Variants in LRP3 observed in about 807,000 individuals in gnomAD.
LRP3 encodes LDL receptor related protein 3.
Under a neutral mutation model 58.5 loss-of-function variants are expected in LRP3, and 49 were observed. The ratio of observed to expected loss-of-function variants is 0.84; its 90% CI spans 0.67 to 1.06. LRP3 has a LOEUF of 1.06. LRP3 is among the 50% of genes least tolerant of loss of function. LRP3 has a pLI of 0.00. For synonymous variants in LRP3, 485 were observed against 492.2 expected, an observed-to-expected ratio of 0.99 and a Z score of 0.20; for missense variants, 1,019 against 1,134.2, an observed-to-expected ratio of 0.90 and a Z score of 1.46.
At chr19:33,198,852 C>T (rs558017124) in intron 2 of LRP3, among the ~76,000 whole-genome samples, 13 of 152,352 alleles carry the variant, frequency 8.5e-5, no homozygotes, top group Admixed American at 7.8e-4. Context: ...AGCTCCCCGT[C>T]GTCGGATTAC....
intron 2 of LRP3, among the ~76,000 whole-genome samples, chr19:33,199,133 C>T (rs963473853): frequency 2.0e-4 from 30 of 152,286 alleles, no homozygotes; most frequent in Middle Eastern, 3.4e-3. Flanking sequence ...CCTCCGAACC[C>T]CTCCCTCTTC....
Position 33,208,461 on chromosome 19 carries a change from C to G in LRP3, c.*886C>G. ...GTAGGGGCGGACTGAGCTGCTACCC[C>G]ATCCTCGACATCCCTTTAGGGCAGG... is the stretch of plus-strand genomic sequence containing the variant. On this transcript the variant is annotated 3_prime_UTR_variant, in exon 7 of 7. Transcript: ENST00000253193. The surrounding 1 kb of genome is among the most constrained non-coding windows in gnomAD (Gnocchi z 4.7). The G allele has an allele frequency of 3.9e-6, 1 of 256,894 alleles. No homozygotes were observed. The allele number at this position is 256,894 out of a possible 1,614,324, so 15.9% of individuals were successfully genotyped here. A position where few individuals can be genotyped will look rare whatever the true frequency, so the allele number is the denominator to read the frequency against.
At position 33,208,614 on chromosome 19, in the gene LRP3, G is replaced by T; in HGVS notation, c.*1039G>T. ...AACATGTGTGCACCCACCGAGGTAC[G>T]CCCCAGCCACTCCCATCTGTGCCCA... is the stretch of plus-strand genomic sequence containing the variant. On this transcript the variant is annotated 3_prime_UTR_variant, in exon 7 of 7. Coordinates refer to ENST00000253193, the MANE Select transcript of LRP3 (RefSeq NM_002333.4). This position sits in a 1 kb window ranked among gnomAD's most constrained non-coding sequence, Gnocchi z 4.7. The T allele has an allele frequency of 2.0e-6, 1 of 506,116 alleles. No individual in the cohort carries two copies. The highest frequency in any genetic ancestry group is 3.6e-6 in the Non-Finnish European group (1 of 280,840). 31.4% of individuals were successfully genotyped at this position (506,116 alleles called of 1,614,324 possible). A position where few individuals can be genotyped will look rare whatever the true frequency, so the allele number is the denominator to read the frequency against.
At chr19:33,197,042 G>T (rs752226475) in intron 2 of LRP3, among the ~76,000 whole-genome samples, 6 of 152,198 alleles carry the variant, frequency 3.9e-5, no homozygotes, top group African/African-American at 1.4e-4. Flanking sequence ...TCTTAGTGTG[G>T]TGCCTGGCAC....
At chr19:33,197,395 G>A (rs910420043) in intron 2 of LRP3, among the ~76,000 whole-genome samples, 4 of 152,194 alleles carry the variant, frequency 2.6e-5, no homozygotes, top group African/African-American at 9.7e-5. Context: ...GGAGGCTGAG[G>A]CAAGAGAATG....
At position 33,207,464 on chromosome 19, in the gene LRP3, C is replaced by T. The variant is rs1482097410; in HGVS notation, c.2202C>T (p.Ser734=). Residue 734 remains serine (S), a synonymous_variant, in exon 7 of 7, where the codon AGC becomes AGT. Coordinates refer to ENST00000253193, the MANE Select transcript of LRP3 (RefSeq NM_002333.4). Reference sequence around the variant, plus strand: ...CGCACCCCCAGGTCTCCACTGCCAGCAGCACCCTGGGCCCCCACTCGCCAG... The same window carrying T: ...CGCACCCCCAGGTCTCCACTGCCAGTAGCACCCTGGGCCCCCACTCGCCAG... ...QDPHPQVSTA[S]STLGPHSPEP... 5.0e-6 allele frequency: 8 copies of T among 1,599,236 alleles called. No individual in the cohort carries two copies. The Admixed American group carries it at 5.1e-5, about 10-fold the overall frequency.
intron 6 of LRP3, 99 bp downstream of exon 6, chr19:33,206,832 G>T: frequency 7.4e-7 from 1 of 1,354,456 alleles, no homozygotes. Flanking sequence ...CAAGGCCTGC[G>T]CAGGGTGACC....
intron 4 of LRP3, 150 bp from the exon 5 acceptor site, chr19:33,205,096 A>G: frequency 1.1e-6 from 1 of 890,088 alleles, no homozygotes; most frequent in Non-Finnish European, 1.7e-6. Context: ...CCCCAGGCTC[A>G]GGTCAGGGAC....
At chr19:33,206,474 C>T (rs17848212) in intron 5 of LRP3, 112 bp downstream of exon 5, 78,670 of 1,593,134 alleles carry the variant, frequency 0.049, 3,660 homozygotes, top group African/African-American at 0.24. Flanking sequence ...TGGAGGCTGC[C>T]CTGGTGCACA....
rs1480032725 is a variant in LRP3, at chr19:33,207,208, AC to A, written c.1952del (p.Pro651GlnfsTer58). ...FLQPAPGAAP[D>X]PPAPLMDTGS... ...CAGCCTGCTCCAGGGGCTGCCCCCG[AC>A]CCCCCAGCACCGCTCATGGACACAG... On this transcript the variant is annotated frameshift_variant, in exon 7 of 7. Coordinates refer to ENST00000253193, the MANE Select transcript of LRP3 (RefSeq NM_002333.4). LOFTEE classifies it low-confidence loss of function (END_TRUNC). 3.2e-6 allele frequency: 5 copies of A among 1,550,168 alleles called. No homozygotes were observed. The highest frequency in any genetic ancestry group is 2.6e-6 in the Non-Finnish European group (3 of 1,154,608).
chr19:33,198,083 C>T (rs1379442041), intron 2 of LRP3, among the ~76,000 whole-genome samples: 2 of 152,140 alleles, frequency 1.3e-5, no homozygotes, highest in Non-Finnish European at 2.9e-5. Flanking sequence ...ATGTCTGTGG[C>T]CATGGTAGAG....
chr19:33,200,546 C>A (rs113128700), intron 2 of LRP3, among the ~76,000 whole-genome samples: 6 of 152,326 alleles, frequency 3.9e-5, no homozygotes, highest in African/African-American at 1.4e-4. Context: ...TGGATTTCTT[C>A]ACCCTACACC....
In LRP3 at chr19:33,205,820, C is replaced by T. The variant is rs371976463; in HGVS notation, c.1050C>T (p.Arg350=). Residue 350 remains arginine (R), a synonymous_variant, in exon 5 of 7, where the codon CGC becomes CGT. Transcript: ENST00000253193. The stretch of plus-strand genomic sequence containing the variant: ...GCCTCACTGTGGCCTACCACGCGCG[C>T]GCCCGCAGCGCCGGCCACGGCTTCA... ...QGRLTVAYHA[R]ARSAGHGFNA... is the part of the protein sequence containing the mutation. The T allele has an allele frequency of 7.6e-5, 120 of 1,584,670 alleles. 1 individual carries two copies. The African/African-American group carries it at 9.3e-4, about 12-fold the overall frequency.
chr19:33,208,245 C>G lies in LRP3; in HGVS notation c.*670C>G, dbSNP rs1974451270. ...GGGGACAGAGAGGCCGAGGCACCAA[C>G]AGCAGTGGCCACGTCTGTTCCATCC... On this transcript the variant is annotated 3_prime_UTR_variant, in exon 7 of 7. Coordinates refer to ENST00000253193, the MANE Select transcript of LRP3 (RefSeq NM_002333.4). This position sits in a 1 kb window ranked among gnomAD's most constrained non-coding sequence, Gnocchi z 4.7. 6.2e-6 allele frequency: 1 copy of G among 161,982 alleles called. No homozygotes were observed. Among genetic ancestry groups the G allele is most frequent in the Admixed American group, 5.7e-5 (1 of 17,610 alleles). The allele number at this position is 161,982 out of a possible 1,614,324, so 10.0% of individuals were successfully genotyped here. A position where few individuals can be genotyped will look rare whatever the true frequency, so the allele number is the denominator to read the frequency against.
chr19:33,203,862 C>T (rs1974370377), intron 3 of LRP3: 1 of 152,250 alleles, frequency 6.6e-6, no homozygotes, highest in Admixed American at 6.6e-5. Context: ...CAGGCAAAGC[C>T]CGGGTGCTTG....
At chr19:33,200,150 G>C (rs940028286) in intron 2 of LRP3, among the ~76,000 whole-genome samples, 2 of 152,254 alleles carry the variant, frequency 1.3e-5, no homozygotes, top group African/African-American at 4.8e-5. Flanking sequence ...TACCACTTCA[G>C]CCTCACTGGG....
rs1341231720 is a variant in LRP3 at position 33,207,431 on chromosome 19, C to T, written c.2169C>T (p.Ala723=). ...PADAPREPCS[A]QDPHPQVSTA... ...ATGCACCTCGGGAGCCCTGCTCAGC[C>T]CAGGACCCGCACCCCCAGGTCTCCA... is the stretch of plus-strand genomic sequence containing the variant. Residue 723 remains alanine (A), a synonymous_variant, in exon 7 of 7, where the codon GCC becomes GCT. Transcript: ENST00000253193. 4 of 1,595,072 alleles carry T rather than the reference C, an allele frequency of 2.5e-6. No homozygotes were observed. The highest frequency in any genetic ancestry group is 2.3e-5 in the East Asian group (1 of 44,262).
At position 33,207,078 on chromosome 19, in the gene LRP3, C is replaced by G; in HGVS notation, c.1816C>G (p.Arg606Gly). The change falls in exon 7 of 7, where the codon CGC becomes GGC. Residue 606 changes from arginine (R) to glycine (G), a missense_variant. This residue lies in a region of LRP3 where 427 missense variants were observed against 408.6 expected (regional missense o/e 1.04). Coordinates refer to ENST00000253193, the MANE Select transcript of LRP3 (RefSeq NM_002333.4). ...GGGGCCCTCCCGCCGCCGCCTCGGC[C>G]GCCTCTGGAACCGGCTCTTTCACCG... The part of the protein sequence containing the change: ...RRGPSRRRLG[R>G]LWNRLFHRPR... 13 of 1,508,568 alleles carry G rather than the reference C, an allele frequency of 8.6e-6. No individual in the cohort carries two copies. Among genetic ancestry groups the G allele is most frequent in the Non-Finnish European group, 1.1e-5 (13 of 1,133,902 alleles). The allele number at this position is 1,508,568 out of a possible 1,614,324, so 93.4% of individuals were successfully genotyped here.
At chr19:33,196,503 A>G (rs1974287167) in intron 1 of LRP3, among the ~76,000 whole-genome samples, 1 of 152,190 alleles carries the variant, frequency 6.6e-6, no homozygotes, top group African/African-American at 2.4e-5. Flanking sequence ...AGCTGCAGTG[A>G]GCTATGCACT....
Sources: gnomAD v4.1 joint callset for allele counts (sites outside exome capture counted in the v4.1 genomes callset) on GRCh38, gnomAD v4.1.1 for gene constraint, gnomAD v4.1.1 regional missense constraint, Gnocchi (gnomAD v3.1) non-coding constraint, MANE v1.5 for transcripts, NCBI Gene and HGNC (gene_info 2026-07-23, HGNC 2026-07-21) for gene names.